RGS7: variants seen among roughly 807,000 people sequenced by gnomAD.
RGS7 encodes regulator of G-protein signaling 7.
In RGS7, 27 loss-of-function variants were observed where a neutral mutation model predicts 81.1. That is an observed-to-expected ratio of 0.33 (90% CI 0.25 to 0.46). The LOEUF (loss-of-function observed/expected upper bound fraction) is 0.46, where lower values mean the gene tolerates loss of function less well. Among genes scored for constraint, RGS7 ranks in the 20% least tolerant of loss-of-function variants. RGS7 has a pLI of 1.00. For synonymous variants in RGS7, 208 were observed against 207.7 expected (o/e 1.00, Z -0.01); for missense variants, 396 against 607.4 (o/e 0.65, Z 3.66).
At chr1:240,839,988 A>G (rs1695341579) in intron 9 of RGS7, among the ~76,000 whole-genome samples, 1 of 151,774 alleles carries the variant, frequency 6.6e-6, no homozygotes, top group South Asian at 2.1e-4. Flanking sequence ...TTACCTCCAA[A>G]TACACCCCGA....
At chr1:241,221,041 A>AGAG (rs2074945872) in intron 2 of RGS7, among the ~76,000 whole-genome samples, 1 of 73,444 alleles carries the variant, frequency 1.4e-5, no homozygotes, top group Non-Finnish European at 3.3e-5. Context: ...AAGGAAGGAA[A>AGAG]AGAAAGAAAG....
At chr1:240,845,617 GTTAA>G (rs752674102) in intron 9 of RGS7, among the ~76,000 whole-genome samples, 5 of 152,078 alleles carry the variant, frequency 3.3e-5, no homozygotes, top group African/African-American at 4.8e-5. Flanking sequence ...TCTCTTATTT[GTTAA>G]TTAAGGAAAA....
chr1:241,101,194 C>A (rs776730583), intron 2 of RGS7, among the ~76,000 whole-genome samples: 14 of 152,168 alleles, frequency 9.2e-5, no homozygotes, highest in Non-Finnish European at 1.6e-4. Context: ...GCTCAGAAAT[C>A]AAGTATAAAA....
intron 10 of RGS7, among the ~76,000 whole-genome samples, chr1:240,821,081 TGA>T (rs1691698414): frequency 6.6e-6 from 1 of 152,058 alleles, no homozygotes; most frequent in African/African-American, 2.4e-5. Context: ...AGAGAAATCA[TGA>T]GAGAGCTGGG....
At chr1:241,123,694 T>C (rs1269323683) in intron 2 of RGS7, among the ~76,000 whole-genome samples, 1 of 152,138 alleles carries the variant, frequency 6.6e-6, no homozygotes, top group Non-Finnish European at 1.5e-5. Context: ...GAGGTGGTGG[T>C]GAGCTGAGAT....
chr1:241,122,104 G>A (rs2066312838), intron 2 of RGS7, among the ~76,000 whole-genome samples: 1 of 152,144 alleles, frequency 6.6e-6, no homozygotes, highest in Non-Finnish European at 1.5e-5. Context: ...TGCAAATGCA[G>A]CTGCTATCTT....
At chr1:240,778,315 C>T (rs1033161162) in intron 18 of RGS7, among the ~76,000 whole-genome samples, 1 of 152,218 alleles carries the variant, frequency 6.6e-6, no homozygotes, top group African/African-American at 2.4e-5. Flanking sequence ...ATAGCAGCCA[C>T]ATTTTTGGAA....
chr1:241,067,596 T>C (rs2148855115), intron 3 of RGS7, among the ~76,000 whole-genome samples: 2 of 151,854 alleles, frequency 1.3e-5, no homozygotes, highest in East Asian at 1.9e-4. Flanking sequence ...CTCGGCTCAC[T>C]GCAACCTCTG....
At chr1:240,853,026 C>G (rs1217276514) in intron 9 of RGS7, among the ~76,000 whole-genome samples, 1 of 152,126 alleles carries the variant, frequency 6.6e-6, no homozygotes, top group Non-Finnish European at 1.5e-5. Flanking sequence ...AGTAACCACA[C>G]AATTACATAA....
chr1:241,145,001 A>C (rs1252055963), intron 2 of RGS7, among the ~76,000 whole-genome samples: 2 of 143,670 alleles, frequency 1.4e-5, no homozygotes, highest in African/African-American at 5.3e-5. Context: ...TTCCCACCTC[A>C]GCCTTGGGTG....
chr1:241,337,617 A>G (rs1286577515), intron 2 of RGS7, among the ~76,000 whole-genome samples: 2 of 152,140 alleles, frequency 1.3e-5, no homozygotes, highest in Non-Finnish European at 2.9e-5. Flanking sequence ...ATCTCACTAA[A>G]TGCACGGTTT....
At chr1:241,088,196 A>C (rs2063593687) in intron 3 of RGS7, among the ~76,000 whole-genome samples, 3 of 151,716 alleles carry the variant, frequency 2.0e-5, no homozygotes. Context: ...ATAAATCTTC[A>C]AGACCAGAGT....
intron 4 of RGS7, among the ~76,000 whole-genome samples, chr1:240,944,321 TATATATATATATGTTAG>T (rs1277975586): frequency 7.7e-6 from 1 of 129,288 alleles, no homozygotes; most frequent in African/African-American, 2.9e-5. Context: ...TATATATATA[TATATATATATATGTTAG>T]GTGCATAGAA....
chr1:240,945,601 A>T (rs1035938392), intron 4 of RGS7, among the ~76,000 whole-genome samples: 3 of 152,248 alleles, frequency 2.0e-5, no homozygotes, highest in African/African-American at 7.2e-5. Context: ...TTGAACCATA[A>T]TGAATGATAA....
chr1:240,985,988 A>C (rs974929166), intron 3 of RGS7, among the ~76,000 whole-genome samples: 2 of 149,286 alleles, frequency 1.3e-5, no homozygotes, highest in Non-Finnish European at 2.9e-5. Context: ...TAAATAAATA[A>C]ATAAATGGCT....
chr1:241,096,247 T>C (rs12087976), intron 3 of RGS7, among the ~76,000 whole-genome samples: 1 of 151,830 alleles, frequency 6.6e-6, no homozygotes, highest in South Asian at 2.1e-4. Flanking sequence ...CCGTTGCGAG[T>C]TGGGCCACAA....
chr1:240,839,222 C>T (rs538727840), intron 9 of RGS7, among the ~76,000 whole-genome samples: 75 of 152,290 alleles, frequency 4.9e-4, no homozygotes, highest in African/African-American at 1.7e-3. Flanking sequence ...TTGACTCCAG[C>T]GCATCTCATT....
intron 2 of RGS7, among the ~76,000 whole-genome samples, chr1:241,241,693 C>A (rs2076265416): frequency 6.6e-6 from 1 of 152,114 alleles, no homozygotes; most frequent in East Asian, 1.9e-4. Flanking sequence ...GAGATCCCGA[C>A]ACTCCCAACT....
At chr1:241,085,617 T>C (rs2063392212) in intron 3 of RGS7, among the ~76,000 whole-genome samples, 1 of 151,942 alleles carries the variant, frequency 6.6e-6, no homozygotes, top group African/African-American at 2.4e-5. Context: ...TTAGTAGATA[T>C]GGGGTTTTGC....
Sources: allele counts gnomAD v4.1 joint callset (sites outside exome capture counted in the v4.1 genomes callset), GRCh38; gene constraint gnomAD v4.1.1; transcripts MANE v1.5; gene names NCBI Gene and HGNC (gene_info 2026-07-23, HGNC 2026-07-21).